Variants in CLIP2 observed in about 807,000 individuals in gnomAD.
CLIP2 encodes CAP-Gly domain containing linker protein 2.
A neutral mutation model predicts 111.7 loss-of-function variants in CLIP2; 41 were observed. The observed-to-expected ratio is 0.37, with a 90% CI of 0.29 to 0.48. The LOEUF is 0.48. Ranked by LOEUF, CLIP2 falls within the 20% of genes least tolerant of loss-of-function variation. The pLI, the probability that CLIP2 is intolerant of heterozygous loss-of-function variation, is 0.99. For synonymous variants in CLIP2, 660 were observed against 644.2 expected, an observed-to-expected ratio of 1.02 and a Z score of -0.37; for missense variants, 1,160 against 1,422.1, an observed-to-expected ratio of 0.82 and a Z score of 2.96.
At chr7:74,313,538 C>T (rs1264200779) in intron 1 of CLIP2, among the ~76,000 whole-genome samples, 5 of 149,376 alleles carry the variant, frequency 3.3e-5, no homozygotes, top group African/African-American at 7.4e-5. Context: ...CCAGCCTGGG[C>T]GACAGAGTGA....
chr7:74,291,359 G>A (rs1564020022), intron 1 of CLIP2, among the ~76,000 whole-genome samples: 1 of 152,184 alleles, frequency 6.6e-6, no homozygotes, highest in Admixed American at 6.5e-5. Flanking sequence ...CCAGCAGGGG[G>A]AATTTACTCC....
chr7:74,340,808 G>A (rs488546), intron 3 of CLIP2, among the ~76,000 whole-genome samples: 93,100 of 151,876 alleles, frequency 0.61, 30,487 homozygotes, highest in Middle Eastern at 0.74. Context: ...AGGAGCTGTC[G>A]GTGGGGCAGG....
At position 74,324,643 on chromosome 7, in the gene CLIP2, G is replaced by A. The variant is rs542264037; in HGVS notation, c.121+6976G>A. 3.3e-5 allele frequency among the ~76,000 whole-genome samples: 5 copies of A among 152,146 alleles called. 1 individual carries two copies. The South Asian group carries it at 1.0e-3, about 32-fold the overall frequency. On this transcript the variant is annotated intron_variant, in intron 2 of 16. Coordinates refer to ENST00000223398, the MANE Select transcript of CLIP2 (RefSeq NM_003388.5). The stretch of plus-strand genomic sequence containing the variant: ...AGCAGAGGCTGTGGCTGGGCTTGGT[G>A]GTGTCCTCTCCCTTCACTGCACCCC...
At chr7:74,386,024 G>A (rs1228856983) in intron 11 of CLIP2, among the ~76,000 whole-genome samples, 4 of 148,250 alleles carry the variant, frequency 2.7e-5, no homozygotes, top group African/African-American at 7.4e-5. Context: ...TTATAGGCAT[G>A]AGCCACCTCG....
At chr7:74,333,560 C>T (rs1482450780) in intron 2 of CLIP2, among the ~76,000 whole-genome samples, 1 of 151,844 alleles carries the variant, frequency 6.6e-6, no homozygotes, top group Non-Finnish European at 1.5e-5. Context: ...TGGCTCACTG[C>T]AGCCTCCACT....
intron 10 of CLIP2, 43 bp from the exon 11 acceptor site, chr7:74,380,763 G>A: frequency 6.5e-7 from 1 of 1,547,718 alleles, no homozygotes; most frequent in Middle Eastern, 1.7e-4. Flanking sequence ...CTGGGGCCAA[G>A]GGGCAGAGGT....
chr7:74,323,081 TTTTATTTA>T (rs58819810), intron 2 of CLIP2, among the ~76,000 whole-genome samples: 83,356 of 144,532 alleles, frequency 0.58, 25,986 homozygotes, highest in Middle Eastern at 0.7. Flanking sequence ...TTTAGCTATG[TTTTATTTA>T]TTTATTTATT....
rs1375039771 is a variant in CLIP2, at chr7:74,401,715, G to A, written c.3129+148G>A. On this transcript the variant is annotated intron_variant, in intron 16 of 16. Coordinates refer to ENST00000223398, the MANE Select transcript of CLIP2 (RefSeq NM_003388.5). ...TCCCTCAGGGAGGGTGCTGTTGCAGGCAAACTTGATTCCAGATTCACCCTG... is the reference window on the plus strand; with the variant it reads ...TCCCTCAGGGAGGGTGCTGTTGCAGACAAACTTGATTCCAGATTCACCCTG... The A allele has an allele frequency of 3.8e-6, 3 of 793,282 alleles. No homozygotes were observed. In the African/African-American group the frequency reaches 5.1e-5, roughly 13 times the overall value. The allele number at this position is 793,282 out of a possible 1,614,324, so 49.1% of individuals were successfully genotyped here.
intron 1 of CLIP2, among the ~76,000 whole-genome samples, chr7:74,307,136 C>T (rs782807727): frequency 5.9e-5 from 9 of 152,254 alleles, no homozygotes; most frequent in Non-Finnish European, 1.2e-4. Context: ...CCCCTCTGCA[C>T]CCTTCTCCCC....
rs148512249 is a variant in CLIP2, at chr7:74,386,489, T to C, written c.2480-32T>C. The C allele has an allele frequency of 5.2e-3, 8,327 of 1,587,584 alleles. 35 individuals are homozygous for C. The highest frequency in any genetic ancestry group is 8.5e-3 in the Middle Eastern group (51 of 6,018). On this transcript the variant is annotated intron_variant, in intron 11 of 16. Coordinates refer to ENST00000223398, the MANE Select transcript of CLIP2 (RefSeq NM_003388.5). ...CCACTGCTGCTTTGGTCCAGGAGCA[T>C]TGATGCTTCTCGTCTCTCCTCTCTC...
In CLIP2 at chr7:74,386,610, T is replaced by C; in HGVS notation, c.2563+6T>C. ...GCTCAGGGCCCAAGTAAGTGGTAAG[T>C]CTCCCTCCCGCAGGGCAGATGCGGG... On this transcript the variant is annotated splice_donor_region_variant and intron_variant, in intron 12 of 16. Transcript: ENST00000223398. 6.2e-7 allele frequency: 1 copy of C among 1,600,516 alleles called. No homozygotes were observed. The highest frequency in any genetic ancestry group is 8.5e-7 in the Non-Finnish European group (1 of 1,174,680).
At chr7:74,400,595 C>G in intron 15 of CLIP2, 40 bp downstream of exon 15, 1 of 1,495,106 alleles carries the variant, frequency 6.7e-7, no homozygotes, top group Admixed American at 2.3e-5. Context: ...AGGCAAGCCA[C>G]GGGGCAGTGT....
At chr7:74,388,963 A>C (rs1791198345) in intron 12 of CLIP2, 140 bp from the exon 13 acceptor site, 1 of 1,032,198 alleles carries the variant, frequency 9.7e-7, no homozygotes, top group Non-Finnish European at 1.4e-6. Flanking sequence ...CTCTAAAAAA[A>C]CCGTCAAAAC....
chr7:74,333,540 G>C (rs1476458725), intron 2 of CLIP2, among the ~76,000 whole-genome samples: 3 of 151,820 alleles, frequency 2.0e-5, no homozygotes, highest in African/African-American at 7.3e-5. Context: ...GGAGTGCAGT[G>C]ATGAGATCAT....
In CLIP2 at chr7:74,356,533, A is replaced by G; in HGVS notation, c.927A>G (p.Ser309=). The part of the protein sequence containing the change: ...KKTKRMAMGV[S]ALTHSPSSSS... Reference sequence around the variant, plus strand: ...CCAAGCGTATGGCCATGGGTGTGTCAGCACTGACCCACAGTCCCAGCAGTT... The same window carrying G: ...CCAAGCGTATGGCCATGGGTGTGTCGGCACTGACCCACAGTCCCAGCAGTT... The change falls in exon 5 of 17, where the codon TCA becomes TCG. Residue 309 remains serine, a synonymous_variant. Coordinates refer to ENST00000223398, the MANE Select transcript of CLIP2 (RefSeq NM_003388.5). 1 of 1,614,240 alleles carries G rather than the reference A, an allele frequency of 6.2e-7. No individual in the cohort carries two copies. Among genetic ancestry groups the G allele is most frequent in the South Asian group, 1.1e-5 (1 of 91,086 alleles).
intron 3 of CLIP2, among the ~76,000 whole-genome samples, chr7:74,345,778 C>T (rs2528993): frequency 0.61 from 92,496 of 151,266 alleles, 30,219 homozygotes; most frequent in Middle Eastern, 0.74. Context: ...ACCCGGGAGG[C>T]GGAGGTTGCA....
intron 1 of CLIP2, among the ~76,000 whole-genome samples, chr7:74,303,210 A>G (rs1788386571): frequency 6.6e-6 from 1 of 152,184 alleles, no homozygotes; most frequent in South Asian, 2.1e-4. Context: ...TGGAGACTCT[A>G]GCTTCACCAC....
intron 1 of CLIP2, among the ~76,000 whole-genome samples, chr7:74,303,709 C>T (rs1228200504): frequency 2.0e-5 from 3 of 149,354 alleles, no homozygotes; most frequent in African/African-American, 4.9e-5. Flanking sequence ...GTCAGGAGTT[C>T]GAGACCAGCC....
chr7:74,383,813 A>T (rs1791008572), intron 11 of CLIP2, among the ~76,000 whole-genome samples: 1 of 151,748 alleles, frequency 6.6e-6, no homozygotes, highest in Non-Finnish European at 1.5e-5. Context: ...CATCTCTACA[A>T]AAGAAAAGAA....
Sources: gnomAD v4.1 joint callset for allele counts (sites outside exome capture counted in the v4.1 genomes callset) on GRCh38, gnomAD v4.1.1 for gene constraint, MANE v1.5 for transcripts, NCBI Gene and HGNC (gene_info 2026-07-23, HGNC 2026-07-21) for gene names.